The following DLG2 variants were observed in gnomAD, a reference collection of about 807,000 sequenced individuals.
DLG2 encodes discs large MAGUK scaffold protein 2, also known as disks large homolog 2.
Under a neutral mutation model 132.5 loss-of-function variants are expected in DLG2, and 45 were observed. The ratio of observed to expected loss-of-function variants is 0.34; its 90% confidence interval spans 0.27 to 0.44. The LOEUF is 0.44. Ranked by LOEUF, DLG2 falls within the 20% of genes least tolerant of loss-of-function variation. The pLI is 1.00. For missense variants in DLG2, 1,045 were observed against 1,196.9 expected, an observed-to-expected ratio of 0.87 and a Z score of 1.87; for synonymous variants, 424 against 419.6, an observed-to-expected ratio of 1.01 and a Z score of -0.13.
At chr11:84,944,756 C>T (rs1424555193) in intron 6 of DLG2, among the ~76,000 whole-genome samples, 1 of 152,004 alleles carries the variant, frequency 6.6e-6, no homozygotes, top group East Asian at 1.9e-4. Context: ...AGGCATGTGC[C>T]ACCATGCCCG....
At chr11:83,582,274 T>C (rs1447629373) in intron 19 of DLG2, among the ~76,000 whole-genome samples, 1 of 152,172 alleles carries the variant, frequency 6.6e-6, no homozygotes, top group Non-Finnish European at 1.5e-5. Context: ...ATCTTTGCCA[T>C]GGTGACCACA....
At chr11:85,347,797 C>CTTTTTTTT in intron 3 of DLG2, among the ~76,000 whole-genome samples, 1 of 94,964 alleles carries the variant, frequency 1.1e-5, no homozygotes, top group Non-Finnish European at 2.1e-5. Context: ...AAGAGGCACT[C>CTTTTTTTT]TTTTTTTTTT....
At chr11:84,419,725 G>A (rs1330475480) in intron 7 of DLG2, among the ~76,000 whole-genome samples, 5 of 152,144 alleles carry the variant, frequency 3.3e-5, no homozygotes, top group Non-Finnish European at 5.9e-5. Context: ...ACCATCTCAA[G>A]TGTGAGGTAA....
chr11:84,715,191 T>C (rs955556087), intron 6 of DLG2, among the ~76,000 whole-genome samples: 1 of 152,188 alleles, frequency 6.6e-6, no homozygotes, highest in Non-Finnish European at 1.5e-5. Context: ...AGTGGTTCAG[T>C]TGAGCTGTTA....
chr11:83,521,781 C>T (rs2095486208), intron 21 of DLG2, among the ~76,000 whole-genome samples: 1 of 152,030 alleles, frequency 6.6e-6, no homozygotes, highest in Admixed American at 6.6e-5. Context: ...TGTGGGCTCC[C>T]TTCAATTCCT....
chr11:83,480,486 C>T, intron 22 of DLG2: 2 of 1,493,108 alleles, frequency 1.3e-6, no homozygotes, highest in Middle Eastern at 1.7e-4. Context: ...GGAATACACT[C>T]ATGCAAGGCT....
At chr11:85,006,560 A>ATCAG (rs1194775059) in intron 6 of DLG2, among the ~76,000 whole-genome samples, 26 of 152,164 alleles carry the variant, frequency 1.7e-4, no homozygotes, top group African/African-American at 5.8e-4. Context: ...TTTCTGTGAG[A>ATCAG]TCAGTGGTGA....
chr11:84,339,148 T>C (rs181685334), intron 7 of DLG2, among the ~76,000 whole-genome samples: 194 of 152,308 alleles, frequency 1.3e-3, no homozygotes, highest in Non-Finnish European at 2.5e-3. Flanking sequence ...TATTACTTAT[T>C]TCCCTAGCCT....
chr11:84,794,931 C>T (rs947666634), intron 6 of DLG2, among the ~76,000 whole-genome samples: 2 of 152,162 alleles, frequency 1.3e-5, no homozygotes, highest in African/African-American at 2.4e-5. Flanking sequence ...TGGGCACCAT[C>T]GATAGACAGC....
At chr11:84,259,366 C>A (rs1439388186) in intron 7 of DLG2, among the ~76,000 whole-genome samples, 1 of 151,690 alleles carries the variant, frequency 6.6e-6, no homozygotes, top group Non-Finnish European at 1.5e-5. Context: ...AGTTCCTTCT[C>A]TACAAGACAA....
At chr11:84,455,790 G>C (rs972787401) in intron 7 of DLG2, among the ~76,000 whole-genome samples, 2 of 151,282 alleles carry the variant, frequency 1.3e-5, no homozygotes, top group African/African-American at 4.8e-5. Context: ...CCACATCCAG[G>C]AACATTTGGG....
intron 21 of DLG2, among the ~76,000 whole-genome samples, chr11:83,485,180 G>A (rs1210251780): frequency 1.3e-5 from 2 of 152,132 alleles, no homozygotes; most frequent in Admixed American, 6.6e-5. Context: ...TAGCTTAAAT[G>A]AGGCTGAATT....
intron 6 of DLG2, among the ~76,000 whole-genome samples, chr11:84,735,215 A>C (rs1410917708): frequency 6.6e-6 from 1 of 152,170 alleles, no homozygotes; most frequent in Non-Finnish European, 1.5e-5. Context: ...AAGGAATGGT[A>C]CCAGCTCCTC....
intron 10 of DLG2, among the ~76,000 whole-genome samples, chr11:84,078,121 TGAGTA>T (rs1235344248): frequency 6.6e-6 from 1 of 152,130 alleles, no homozygotes; most frequent in Non-Finnish European, 1.5e-5. Flanking sequence ...CTTAGTAGAT[TGAGTA>T]GTGTTTTTCA....
In DLG2 at chr11:84,223,551, TG is replaced by T. The variant is rs539315515; in HGVS notation, c.573+27686del. On this transcript the variant is annotated intron_variant, in intron 8 of 27. Coordinates refer to ENST00000376104, the MANE Select transcript of DLG2 (RefSeq NM_001142699.3). Reference sequence around the variant, plus strand: ...TAAGATCATTAATTGGGAAAATTTATGTGACTTTTTTTTTTTTTTTTTTGAG... The same window carrying T: ...TAAGATCATTAATTGGGAAAATTTATTGACTTTTTTTTTTTTTTTTTTGAG... 4.3e-4 allele frequency among the ~76,000 whole-genome samples: 64 copies of T among 149,482 alleles called. 1 individual carries two copies. The highest frequency in any genetic ancestry group is 1.4e-3 in the African/African-American group (56 of 39,732).
chr11:85,057,885 T>C (rs1281375346), intron 6 of DLG2, among the ~76,000 whole-genome samples: 3 of 151,616 alleles, frequency 2.0e-5, no homozygotes, highest in African/African-American at 7.2e-5. Flanking sequence ...AAATATACTT[T>C]ATAAAGTTCA....
intron 6 of DLG2, among the ~76,000 whole-genome samples, chr11:84,681,026 C>A (rs1438883690): frequency 6.6e-6 from 1 of 152,164 alleles, no homozygotes; most frequent in Non-Finnish European, 1.5e-5. Context: ...CAGTGGCCAA[C>A]AAGATCCATA....
At chr11:84,589,148 AAG>A (rs1202635089) in intron 6 of DLG2, among the ~76,000 whole-genome samples, 1 of 152,146 alleles carries the variant, frequency 6.6e-6, no homozygotes, top group East Asian at 1.9e-4. Flanking sequence ...GTAAAGAAGA[AAG>A]AGAGAATGTC....
chr11:84,566,370 C>T (rs2099455658), intron 6 of DLG2, among the ~76,000 whole-genome samples: 2 of 152,068 alleles, frequency 1.3e-5, no homozygotes, highest in African/African-American at 4.8e-5. Context: ...TTAGTAAAAT[C>T]AAATAGCAGA....
Sources: allele counts gnomAD v4.1 joint callset (sites outside exome capture counted in the v4.1 genomes callset), GRCh38; gene constraint gnomAD v4.1.1; transcripts MANE v1.5; gene names NCBI Gene and HGNC (gene_info 2026-07-23, HGNC 2026-07-21).